The following ABTB2 variants were observed in gnomAD, a reference collection of about 807,000 sequenced individuals.
ABTB2 encodes ankyrin repeat and BTB domain containing 2, also known as ankyrin repeat and BTB/POZ domain-containing protein 2.
ABTB2 carries 56 observed loss-of-function variants against 104.1 expected under a neutral mutation model. The ratio of observed to expected loss-of-function variants is 0.54; its 90% confidence interval spans 0.43 to 0.67. The LOEUF (loss-of-function observed/expected upper bound fraction) is 0.67. Among genes scored for constraint, ABTB2 ranks in the 30% least tolerant of loss-of-function variants. The pLI is 0.00. For synonymous variants in ABTB2, 606 were observed against 608.2 expected (o/e 1.00, Z 0.05); for missense variants, 1,279 against 1,407.7 (o/e 0.91, Z 1.46).
At chr11:34,251,263 G>T (rs1164324816) in intron 1 of ABTB2, among the ~76,000 whole-genome samples, 1 of 152,226 alleles carries the variant, frequency 6.6e-6, no homozygotes, top group Non-Finnish European at 1.5e-5. Flanking sequence ...ATTTCAGAGG[G>T]CATCACTCAG....
At chr11:34,254,832 T>C (rs946869519) in intron 1 of ABTB2, among the ~76,000 whole-genome samples, 3 of 151,954 alleles carry the variant, frequency 2.0e-5, no homozygotes, top group Non-Finnish European at 2.9e-5. Flanking sequence ...CCACCACACC[T>C]GGCTAATTTT....
At chr11:34,239,147 A>G (rs1325135837) in intron 1 of ABTB2, among the ~76,000 whole-genome samples, 1 of 152,142 alleles carries the variant, frequency 6.6e-6, no homozygotes, top group Non-Finnish European at 1.5e-5. Flanking sequence ...GGTACCCAGT[A>G]AGTATCTGTG....
At chr11:34,325,007 C>T (rs979469394) in intron 1 of ABTB2, among the ~76,000 whole-genome samples, 15 of 152,198 alleles carry the variant, frequency 9.9e-5, no homozygotes, top group African/African-American at 3.6e-4. Flanking sequence ...TTGAGGTTGC[C>T]TGGGCTGGTC....
intron 1 of ABTB2, among the ~76,000 whole-genome samples, chr11:34,225,329 G>A (rs1360275281): frequency 6.6e-6 from 1 of 152,184 alleles, no homozygotes. Flanking sequence ...GAATTAAACT[G>A]TCATGCTGCA....
chr11:34,191,375 C>T (rs914271243), intron 3 of ABTB2, among the ~76,000 whole-genome samples: 7 of 152,192 alleles, frequency 4.6e-5, no homozygotes, highest in Admixed American at 1.3e-4. Context: ...TAGCCTGATA[C>T]GGAACAGGGA....
At position 34,225,653 on chromosome 11, in the gene ABTB2, G is replaced by A. The variant is rs1464858187; in HGVS notation, c.884-20963C>T. Among the ~76,000 whole-genome samples, 3 of 152,208 alleles carry A rather than the reference G, an allele frequency of 2.0e-5. No homozygotes were observed. The East Asian group carries it at 5.8e-4, about 29-fold the overall frequency. On this transcript the variant is annotated intron_variant, in intron 1 of 16. Transcript: ENST00000435224. The stretch of plus-strand genomic sequence containing the variant: ...GCCTGTGATTCCAGCTACTCGGGAG[G>A]CTGAGGCAGGAGAATTGCTTGAACC...
chr11:34,314,839 TGGG>T (rs1017508145), intron 1 of ABTB2, among the ~76,000 whole-genome samples: 1 of 152,012 alleles, frequency 6.6e-6, no homozygotes, highest in Non-Finnish European at 1.5e-5. Context: ...CCCTTCTGAG[TGGG>T]GGGCCCTGTG....
chr11:34,286,365 T>C (rs1854505704), intron 1 of ABTB2, among the ~76,000 whole-genome samples: 1 of 152,114 alleles, frequency 6.6e-6, no homozygotes, highest in Admixed American at 6.5e-5. Context: ...CGATCTCGGC[T>C]CACTGCGACC....
intron 1 of ABTB2, among the ~76,000 whole-genome samples, chr11:34,306,236 ATTTTTTTTTT>A (rs34872949): frequency 3.2e-4 from 23 of 71,972 alleles, no homozygotes; most frequent in South Asian, 1.3e-3. Context: ...GGAAAGTTTG[ATTTTTTTTTT>A]TTTTTTTTTT....
At position 34,204,530 on chromosome 11, in the gene ABTB2, G is replaced by C. The variant is rs746882310; in HGVS notation, c.1030+14C>G. 2 of 1,590,628 alleles carry C rather than the reference G, an allele frequency of 1.3e-6. No individual in the cohort carries two copies. Among genetic ancestry groups the C allele is most frequent in the Non-Finnish European group, 1.7e-6 (2 of 1,169,772 alleles). On this transcript the variant is annotated intron_variant, in intron 2 of 16. Coordinates refer to ENST00000435224, the MANE Select transcript of ABTB2 (RefSeq NM_145804.3). ...TTGCTCTACCATCCAGCTAGACACT[G>C]AGGCCACACTTACTCAGCTCCGAGA...
At chr11:34,172,988 C>G (rs1344802985) in intron 4 of ABTB2, among the ~76,000 whole-genome samples, 167 bp downstream of exon 4, 1 of 152,202 alleles carries the variant, frequency 6.6e-6, no homozygotes, top group Non-Finnish European at 1.5e-5. Context: ...AGATCTGTTC[C>G]CATACTCAGG....
At chr11:34,341,508 T>C (rs549520320) in intron 1 of ABTB2, among the ~76,000 whole-genome samples, 1 of 152,324 alleles carries the variant, frequency 6.6e-6, no homozygotes, top group Admixed American at 6.5e-5. Context: ...TCTGCGATGA[T>C]GGAAATGTTC....
intron 1 of ABTB2, among the ~76,000 whole-genome samples, chr11:34,327,678 T>G (rs1482137067): frequency 1.3e-5 from 2 of 152,170 alleles, no homozygotes; most frequent in Non-Finnish European, 2.9e-5. Flanking sequence ...GGACTCTATA[T>G]GCATGTTGTT....
chr11:34,162,761 G>A lies in ABTB2; in HGVS notation c.2033C>T (p.Ala678Val), dbSNP rs143546287. The A allele has an allele frequency of 2.6e-5, 42 of 1,608,750 alleles. No homozygotes were observed. Among genetic ancestry groups the A allele is most frequent in the South Asian group, 5.5e-5 (5 of 91,086 alleles). ...KLLTQPQQAK[A>V]DVLSLEEILA... Reference sequence around the variant, plus strand: ...GATCTCCTCCAGGGACAGCACGTCCGCTTTAGCCTGCTGTGGCTGCGTCAG... The same window carrying A: ...GATCTCCTCCAGGGACAGCACGTCCACTTTAGCCTGCTGTGGCTGCGTCAG... The change falls in exon 10 of 17, where the codon GCG (alanine) becomes GTG (valine). Residue 678 changes from alanine to valine, a missense_variant. Coordinates refer to ENST00000435224, the MANE Select transcript of ABTB2 (RefSeq NM_145804.3).
chr11:34,263,209 T>C (rs1854209213), intron 1 of ABTB2, among the ~76,000 whole-genome samples: 2 of 151,998 alleles, frequency 1.3e-5, no homozygotes, highest in African/African-American at 4.8e-5. Flanking sequence ...AGAGGAGCCA[T>C]GGAGTGTTTG....
At chr11:34,295,143 C>CA (rs1854606414) in intron 1 of ABTB2, among the ~76,000 whole-genome samples, 1 of 152,156 alleles carries the variant, frequency 6.6e-6, no homozygotes, top group Non-Finnish European at 1.5e-5. Flanking sequence ...ATGATTGCAT[C>CA]ACTGCACTTT....
chr11:34,294,924 C>G (rs1854603057), intron 1 of ABTB2, among the ~76,000 whole-genome samples: 1 of 151,930 alleles, frequency 6.6e-6, no homozygotes, highest in Non-Finnish European at 1.5e-5. Flanking sequence ...CCATGTTGGC[C>G]AGGCTGGTCT....
At chr11:34,298,636 TA>T (rs1854657810) in intron 1 of ABTB2, among the ~76,000 whole-genome samples, 1 of 152,132 alleles carries the variant, frequency 6.6e-6, no homozygotes, top group Admixed American at 6.5e-5. Context: ...CTAATTTTTG[TA>T]TTTTGGTAGA....
At chr11:34,323,967 G>A (rs1191438696) in intron 1 of ABTB2, among the ~76,000 whole-genome samples, 1 of 133,990 alleles carries the variant, frequency 7.5e-6, no homozygotes, top group Non-Finnish European at 1.5e-5. Flanking sequence ...AGGCTGGAGT[G>A]CCATGGTATG....
Sources: allele counts gnomAD v4.1 joint callset (sites outside exome capture counted in the v4.1 genomes callset), GRCh38; gene constraint gnomAD v4.1.1; transcripts MANE v1.5; gene names NCBI Gene and HGNC (gene_info 2026-07-23, HGNC 2026-07-21).